Variants in UNC13B observed in about 807,000 individuals in gnomAD.
UNC13B encodes unc-13 homolog B.
UNC13B carries 144 observed loss-of-function variants against 211.0 expected under a neutral mutation model. The ratio of observed to expected loss-of-function variants is 0.68; its 90% CI spans 0.60 to 0.78. The LOEUF (loss-of-function observed/expected upper bound fraction) is 0.78. UNC13B is among the 30% of genes least tolerant of loss of function. The pLI, the probability that UNC13B is intolerant of heterozygous loss-of-function variation, is 0.00. For missense variants in UNC13B, 1,777 were observed against 2,002.0 expected (o/e 0.89, Z 2.14); for synonymous variants, 709 against 725.8 (o/e 0.98, Z 0.37).
intron 4 of UNC13B, 89 bp from the exon 5 acceptor site, chr9:35,237,614 A>G: frequency 6.5e-7 from 1 of 1,548,674 alleles, no homozygotes; most frequent in East Asian, 2.3e-5. Context: ...AGAAGCTCAA[A>G]CAAGGAACTT....
At position 35,267,623 on chromosome 9, in the gene UNC13B, T is replaced by C. The variant is rs1827649078; in HGVS notation, c.526+8573T>C. 1.3e-5 allele frequency among the ~76,000 whole-genome samples: 2 copies of C among 152,174 alleles called. 1 individual carries two copies. Among genetic ancestry groups the C allele is most frequent in the Admixed American group, 1.3e-4 (2 of 15,278 alleles). ...AACATTAGTTTTCCTAGGAGACATA[T>C]TGATCTCTTTGTTGGTGGTTGTTGC... is the stretch of plus-strand genomic sequence containing the variant. On this transcript the variant is annotated intron_variant, in intron 7 of 39. Coordinates refer to ENST00000635942, the MANE Select transcript of UNC13B (RefSeq NM_001371189.2).
intron 16 of UNC13B, 86 bp from the exon 17 acceptor site, chr9:35,378,209 A>G: frequency 1.3e-6 from 2 of 1,552,244 alleles, no homozygotes; most frequent in South Asian, 2.3e-5. Flanking sequence ...AGGAGCATAG[A>G]CTGCTCTAAG....
intron 11 of UNC13B, chr9:35,353,698 G>T: frequency 8.1e-7 from 1 of 1,232,134 alleles, no homozygotes. Flanking sequence ...ACCTCAACAA[G>T]TGCATCAACA....
In UNC13B at chr9:35,259,797, G is replaced by C. The variant is rs538442027; in HGVS notation, c.526+747G>C. On this transcript the variant is annotated intron_variant, in intron 7 of 39. Transcript: ENST00000635942. ...TGTGTGTGTGTGTGTAGGGGGATGC[G>C]GGGGGGGGGGATTTTGATACTTTTG... Among the ~76,000 whole-genome samples, 226 of 101,726 alleles carry C rather than the reference G, an allele frequency of 2.2e-3. 1 individual carries two copies. The highest frequency in any genetic ancestry group is 3.8e-3 in the Non-Finnish European group (194 of 50,592). The allele number at this position is 101,726 out of a possible 152,430, so 66.7% of individuals were successfully genotyped here. A position where few individuals can be genotyped will look rare whatever the true frequency, so the allele number is the denominator to read the frequency against.
At position 35,376,168 on chromosome 9, in the gene UNC13B, G is replaced by T. The variant is rs762517248; in HGVS notation, c.9756G>T (p.Arg3252=). Reference sequence around the variant, plus strand: ...AAGGCCTGCTCTGGGGCATTGCCCGGCAGGGCATGCGCTGCAGCGAATGTG... The same window carrying T: ...AAGGCCTGCTCTGGGGCATTGCCCGTCAGGGCATGCGCTGCAGCGAATGTG... ...ECEGLLWGIA[R]QGMRCSECGV... The change falls in exon 15 of 40, where the codon CGG becomes CGT. Residue 3252 remains arginine, a synonymous_variant. Coordinates refer to ENST00000635942, the MANE Select transcript of UNC13B (RefSeq NM_001371189.2). The T allele has an allele frequency of 2.5e-6, 4 of 1,614,154 alleles. No individual in the cohort carries two copies. Among genetic ancestry groups the T allele is most frequent in the Non-Finnish European group, 2.5e-6 (3 of 1,180,038 alleles).
At chr9:35,216,566 A>G (rs2131438997) in intron 1 of UNC13B, among the ~76,000 whole-genome samples, 1 of 152,290 alleles carries the variant, frequency 6.6e-6, no homozygotes, top group Admixed American at 6.5e-5. Flanking sequence ...GAAACATAGC[A>G]AGACAGAAAC....
intron 1 of UNC13B, among the ~76,000 whole-genome samples, chr9:35,214,446 A>T (rs1403725884): frequency 6.6e-6 from 1 of 152,076 alleles, no homozygotes; most frequent in Non-Finnish European, 1.5e-5. Flanking sequence ...CAAACAATCA[A>T]CAACAACAAC....
chr9:35,295,658 A>G, intron 7 of UNC13B, 38 bp from the exon 8 acceptor site: 1 of 1,588,962 alleles, frequency 6.3e-7, no homozygotes, highest in Non-Finnish European at 8.6e-7. Context: ...GAACTAAATA[A>G]AGCTGGGGTG....
Position 35,246,085 on chromosome 9 carries a change from A to G in UNC13B, c.468+2721A>G, listed in dbSNP as rs561449780. 7.9e-5 allele frequency among the ~76,000 whole-genome samples: 12 copies of G among 152,096 alleles called. No individual in the cohort carries two copies. In the South Asian group the frequency reaches 2.3e-3, roughly 29 times the overall value. The stretch of plus-strand genomic sequence containing the variant: ...GTATGTCATTGTGGTTTTGATTTGC[A>G]TTTCTCTGATGGCCAGTGATGATGA... On this transcript the variant is annotated intron_variant, in intron 6 of 39. Transcript: ENST00000635942.
chr9:35,270,541 A>G (rs1046808476), intron 7 of UNC13B, among the ~76,000 whole-genome samples: 4 of 152,176 alleles, frequency 2.6e-5, no homozygotes, highest in Non-Finnish European at 1.5e-5. Context: ...TAATATACCC[A>G]GTGCTATTAT....
At chr9:35,191,631 A>G (rs1822664725) in intron 1 of UNC13B, among the ~76,000 whole-genome samples, 1 of 152,228 alleles carries the variant, frequency 6.6e-6, no homozygotes, top group Non-Finnish European at 1.5e-5. Context: ...CCCTTGATGG[A>G]TCAGCTGGCT....
intron 11 of UNC13B, chr9:35,352,359 A>G: frequency 1.6e-6 from 2 of 1,232,202 alleles, no homozygotes; most frequent in Non-Finnish European, 2.0e-6. Flanking sequence ...AAGCTTGCCC[A>G]TCTAGAGCAT....
intron 11 of UNC13B, among the ~76,000 whole-genome samples, chr9:35,335,702 T>TC (rs896195717): frequency 6.8e-6 from 1 of 147,600 alleles, no homozygotes; most frequent in Non-Finnish European, 1.5e-5. Context: ...GCCTTTTTTT[T>TC]TTTTTTTAAA....
chr9:35,208,272 A>G (rs947445531), intron 1 of UNC13B, among the ~76,000 whole-genome samples: 2 of 152,144 alleles, frequency 1.3e-5, no homozygotes, highest in Non-Finnish European at 2.9e-5. Flanking sequence ...TTAATAAGGC[A>G]CCCATCTAAT....
intron 1 of UNC13B, among the ~76,000 whole-genome samples, chr9:35,210,018 T>A (rs1435438603): frequency 3.9e-5 from 6 of 152,058 alleles, no homozygotes; most frequent in Non-Finnish European, 8.8e-5. Flanking sequence ...GGTGGGTGGA[T>A]CGCTTGAGCC....
At chr9:35,362,535 C>T (rs575090643) in intron 11 of UNC13B, among the ~76,000 whole-genome samples, 6 of 152,256 alleles carry the variant, frequency 3.9e-5, no homozygotes, top group Admixed American at 2.6e-4. Context: ...TAGGGCGGGG[C>T]GTGGTGGCTC....
chr9:35,238,565 T>A (rs1470864014), intron 5 of UNC13B, among the ~76,000 whole-genome samples: 1 of 152,008 alleles, frequency 6.6e-6, no homozygotes, highest in Non-Finnish European at 1.5e-5. Flanking sequence ...TTTTTTTTTT[T>A]TTCCTTTTTT....
chr9:35,198,536 A>G (rs1823074318), intron 1 of UNC13B, among the ~76,000 whole-genome samples: 1 of 152,208 alleles, frequency 6.6e-6, no homozygotes, highest in Non-Finnish European at 1.5e-5. Flanking sequence ...CTAATACAGA[A>G]AATTGGTATC....
At chr9:35,357,844 A>G (rs180859226) in intron 11 of UNC13B, among the ~76,000 whole-genome samples, 134 of 152,374 alleles carry the variant, frequency 8.8e-4, no homozygotes, top group African/African-American at 3.1e-3. Flanking sequence ...ATATAGTTCC[A>G]TAACATCAAG....
Sources: gnomAD v4.1 joint callset for allele counts (sites outside exome capture counted in the v4.1 genomes callset) on GRCh38, gnomAD v4.1.1 for gene constraint, MANE v1.5 for transcripts, NCBI Gene and HGNC (gene_info 2026-07-23, HGNC 2026-07-21) for gene names.